The following SBF2 variants were observed in gnomAD, a reference collection of about 807,000 sequenced individuals.
SBF2 encodes myotubularin-related protein 13.
A neutral mutation model predicts 225.2 loss-of-function variants in SBF2; 112 were observed. That is an observed-to-expected ratio of 0.50 (90% CI 0.43 to 0.58). The LOEUF (loss-of-function observed/expected upper bound fraction) is 0.58. SBF2 is among the 20% of genes least tolerant of loss of function. SBF2 has a pLI of 0.00. For missense variants in SBF2, 1,996 were observed against 2,206.2 expected (o/e 0.90, Z 1.91); for synonymous variants, 763 against 773.3 (o/e 0.99, Z 0.22).
At chr11:9,791,133 T>G (rs1413795387) in intron 33 of SBF2, 2 of 174,888 alleles carry the variant, frequency 1.1e-5, no homozygotes, top group African/African-American at 4.8e-5. Flanking sequence ...AGTTTTCTTG[T>G]TTAGCAGTGT....
At chr11:9,832,156 T>G in intron 27 of SBF2, 68 bp downstream of exon 27, 1 of 1,422,756 alleles carries the variant, frequency 7.0e-7, no homozygotes, top group Non-Finnish European at 9.9e-7. Context: ...TCCCAGATTT[T>G]ACTTCCTTTA....
chr11:10,043,840 C>T (rs1590824459), intron 2 of SBF2, among the ~76,000 whole-genome samples: 2 of 152,154 alleles, frequency 1.3e-5, no homozygotes, highest in Middle Eastern at 6.8e-3. Flanking sequence ...TCCCAAAGTG[C>T]CAGGATTATA....
chr11:9,934,626 T>C (rs1264680217), intron 16 of SBF2, among the ~76,000 whole-genome samples: 1 of 152,194 alleles, frequency 6.6e-6, no homozygotes, highest in Non-Finnish European at 1.5e-5. Flanking sequence ...GTCGGCTTCA[T>C]CCCTGGGGTG....
At chr11:9,951,832 G>C (rs1473538729) in intron 16 of SBF2, among the ~76,000 whole-genome samples, 1 of 152,188 alleles carries the variant, frequency 6.6e-6, no homozygotes, top group Non-Finnish European at 1.5e-5. Context: ...GAACAATGGT[G>C]GGGAGCAGCA....
rs1245439747 is a variant in SBF2, at chr11:9,921,404, T to C, written c.1861-25393A>G. 2.0e-5 allele frequency among the ~76,000 whole-genome samples: 3 copies of C among 152,292 alleles called. No individual in the cohort carries two copies. The East Asian group carries it at 5.8e-4, about 29-fold the overall frequency. On this transcript the variant is annotated intron_variant, in intron 16 of 39. Transcript: ENST00000256190. The stretch of plus-strand genomic sequence containing the variant: ...TAAATATACAAATTCCTGGGCTCCA[T>C]CCTAGTTTCTACTTAATCAGAAACT...
chr11:10,124,952 A>G (rs1180152159), intron 2 of SBF2, among the ~76,000 whole-genome samples: 1 of 151,860 alleles, frequency 6.6e-6, no homozygotes, highest in African/African-American at 2.4e-5. Flanking sequence ...TAAAAGTACA[A>G]AAATTAGCCG....
At chr11:9,797,155 A>G (rs912059213) in intron 32 of SBF2, among the ~76,000 whole-genome samples, 1 of 152,234 alleles carries the variant, frequency 6.6e-6, no homozygotes, top group African/African-American at 2.4e-5. Context: ...TAATTTGGCA[A>G]TACGGACCTG....
rs202121220 is a variant in SBF2 at position 10,129,422 on chromosome 11, A to G, written c.141+64480T>C. 9.9e-5 allele frequency among the ~76,000 whole-genome samples: 15 copies of G among 152,214 alleles called. No homozygotes were observed. The East Asian group carries it at 2.3e-3, about 24-fold the overall frequency. On this transcript the variant is annotated intron_variant, in intron 2 of 39. Transcript: ENST00000256190. The stretch of plus-strand genomic sequence containing the variant: ...CCGGCCAATTTTCTCTCCTTTCTTC[A>G]AAGGAATCAACAGCTATATATCAAA...
intron 1 of SBF2, among the ~76,000 whole-genome samples, chr11:10,204,576 TG>T (rs1957685397): frequency 6.6e-6 from 1 of 150,688 alleles, no homozygotes; most frequent in Non-Finnish European, 1.5e-5. Context: ...GAGAATGGCG[TG>T]AACCCAGGAG....
At chr11:9,980,531 A>G (rs1373198131) in intron 13 of SBF2, among the ~76,000 whole-genome samples, 1 of 152,130 alleles carries the variant, frequency 6.6e-6, no homozygotes, top group Admixed American at 6.5e-5. Context: ...CTGGCAGACC[A>G]TATCTATTTC....
At chr11:10,231,917 A>G (rs1015067862) in intron 1 of SBF2, among the ~76,000 whole-genome samples, 1 of 152,346 alleles carries the variant, frequency 6.6e-6, no homozygotes, top group South Asian at 2.1e-4. Flanking sequence ...TGGAGCCTAC[A>G]GAGGCAGGCA....
intron 17 of SBF2, among the ~76,000 whole-genome samples, chr11:9,873,260 T>C (rs1858935843): frequency 6.6e-6 from 1 of 150,546 alleles, no homozygotes; most frequent in South Asian, 2.1e-4. Flanking sequence ...ATGTAGTTTG[T>C]CACAAAGGTT....
chr11:10,079,984 A>C (rs1467477217), intron 2 of SBF2, among the ~76,000 whole-genome samples: 1 of 135,682 alleles, frequency 7.4e-6, no homozygotes, highest in African/African-American at 2.6e-5. Flanking sequence ...ACGATGGCTC[A>C]TGCCTGTAAT....
chr11:9,950,205 G>T (rs1590579038), intron 16 of SBF2, among the ~76,000 whole-genome samples: 2 of 152,000 alleles, frequency 1.3e-5, no homozygotes, highest in East Asian at 3.8e-4. Flanking sequence ...ACTTTAGAGG[G>T]CATTTAGTCC....
At chr11:10,053,755 GAA>G (rs776284653) in intron 2 of SBF2, among the ~76,000 whole-genome samples, 6 of 136,768 alleles carry the variant, frequency 4.4e-5, no homozygotes, top group African/African-American at 8.0e-5. Context: ...CCTTGTCTCG[GAA>G]AAAAAAAAAA....
rs1948359956 is a variant in SBF2, at chr11:10,009,692, C to T, written c.620-7003G>A. Among the ~76,000 whole-genome samples the T allele has an allele frequency of 1.3e-5, 2 of 152,190 alleles. 1 individual carries two copies. Among genetic ancestry groups the T allele is most frequent in the South Asian group, 4.1e-4 (2 of 4,828 alleles). On this transcript the variant is annotated intron_variant, in intron 6 of 39. Coordinates refer to ENST00000256190, the MANE Select transcript of SBF2 (RefSeq NM_030962.4). ...CATTTGGGTGGGTTCCAAGTCTTTG[C>T]TATTGTGAACAGTGCTGCAATAAAC...
At chr11:9,996,572 T>C (rs1351483081) in intron 9 of SBF2, among the ~76,000 whole-genome samples, 1 of 151,814 alleles carries the variant, frequency 6.6e-6, no homozygotes, top group Non-Finnish European at 1.5e-5. Flanking sequence ...GTATTTTTAG[T>C]AGAGATGGGG....
chr11:9,880,252 AT>A (rs1434134882), intron 17 of SBF2, among the ~76,000 whole-genome samples: 1 of 152,200 alleles, frequency 6.6e-6, no homozygotes, highest in Non-Finnish European at 1.5e-5. Context: ...GTTATTAACT[AT>A]ATCTGGCTGA....
chr11:10,160,312 C>T (rs571730788), intron 2 of SBF2, among the ~76,000 whole-genome samples: 1 of 152,152 alleles, frequency 6.6e-6, no homozygotes, highest in African/African-American at 2.4e-5. Context: ...CCAAACTATA[C>T]CTTTTTCTAT....
Sources: allele counts gnomAD v4.1 joint callset (sites outside exome capture counted in the v4.1 genomes callset), GRCh38; gene constraint gnomAD v4.1.1; transcripts MANE v1.5; gene names NCBI Gene and HGNC (gene_info 2026-07-23, HGNC 2026-07-21).